RIPK4: variants seen among roughly 807,000 people sequenced by gnomAD.
The protein encoded by RIPK4 is receptor interacting serine/threonine kinase 4.
Under a neutral mutation model 42.9 loss-of-function variants are expected in RIPK4, and 17 were observed. The ratio of observed to expected loss-of-function variants is 0.40; its 90% CI spans 0.27 to 0.59. The LOEUF is 0.59. Among genes scored for constraint, RIPK4 ranks in the 20% least tolerant of loss-of-function variants. The probability of loss-of-function intolerance (pLI) is 0.47; values close to 1 mark genes in which losing one functional copy is unlikely to be tolerated. For missense variants in RIPK4, 897 were observed against 1,104.4 expected (o/e 0.81, Z 2.66); for synonymous variants, 498 against 499.1 (o/e 1.00, Z 0.03).
chr21:41,751,740 G>A lies in RIPK4; in HGVS notation c.475-495C>T, dbSNP rs1471545469. ...GCAAGTGGCTGCAAGTCCTTTAAAG[G>A]GAAACACAGAAACACACCTTCAGAA... On this transcript the variant is annotated intron_variant, in intron 2 of 7. Transcript: ENST00000332512. The surrounding 1 kb of genome is among the most constrained non-coding windows in gnomAD (Gnocchi z 4.5). Among the ~76,000 whole-genome samples the A allele has an allele frequency of 6.6e-6, 1 of 152,156 alleles. No individual in the cohort carries two copies. The highest frequency in any genetic ancestry group is 1.5e-5 in the Non-Finnish European group (1 of 68,036).
intron 1 of RIPK4, among the ~76,000 whole-genome samples, chr21:41,758,611 T>G (rs544093794): frequency 6.6e-6 from 1 of 152,374 alleles, no homozygotes; most frequent in South Asian, 2.1e-4. Context: ...TGTCACATTT[T>G]GAGAAACTGC....
chr21:41,758,530 C>T lies in RIPK4; in HGVS notation c.183-1714G>A, dbSNP rs1321482977. Among the ~76,000 whole-genome samples the T allele has an allele frequency of 3.9e-5, 6 of 152,198 alleles. No individual in the cohort carries two copies. The East Asian group carries it at 9.6e-4, about 24-fold the overall frequency. On this transcript the variant is annotated intron_variant, in intron 1 of 7. Coordinates refer to ENST00000332512, the MANE Select transcript of RIPK4 (RefSeq NM_020639.3). ...ACATCTGCACACATTGGGGGACAAACGCCTGGAGTCGTGGCTTTCAATTCT... is the reference window on the plus strand; with the variant it reads ...ACATCTGCACACATTGGGGGACAAATGCCTGGAGTCGTGGCTTTCAATTCT...
intron 2 of RIPK4, among the ~76,000 whole-genome samples, chr21:41,754,311 A>G (rs1301306954): frequency 6.6e-6 from 1 of 152,182 alleles, no homozygotes; most frequent in African/African-American, 2.4e-5. Flanking sequence ...CACAGAAAAA[A>G]TAAGTATGTC....
intron 6 of RIPK4, 105 bp from the exon 7 acceptor site, chr21:41,744,245 G>A: frequency 8.7e-7 from 1 of 1,148,916 alleles, no homozygotes; most frequent in Non-Finnish European, 1.2e-6. Context: ...GGAGGGAGAT[G>A]GGGGAGGAAA....
rs966010779 is a variant in RIPK4, at chr21:41,755,638, C to T, written c.474+887G>A. 2.6e-5 allele frequency among the ~76,000 whole-genome samples: 4 copies of T among 152,184 alleles called. No homozygotes were observed. The highest frequency in any genetic ancestry group is 6.5e-5 in the Admixed American group (1 of 15,282). ...GTCCCCTGCATGAACTACATGGATC[C>T]GGACCATGGCTCTCGGCTCCTTCTC... is the stretch of plus-strand genomic sequence containing the variant. On this transcript the variant is annotated intron_variant, in intron 2 of 7. Transcript: ENST00000332512. This position sits in a 1 kb window ranked among gnomAD's most constrained non-coding sequence, Gnocchi z 4.2.
intron 2 of RIPK4, among the ~76,000 whole-genome samples, chr21:41,752,564 C>T (rs1160683733): frequency 2.0e-5 from 3 of 152,218 alleles, no homozygotes; most frequent in East Asian, 1.9e-4. Flanking sequence ...AGGCCTGCAC[C>T]GCCCTTGAGA....
Position 41,752,619 on chromosome 21 carries a change from C to T in RIPK4, c.475-1374G>A, listed in dbSNP as rs59737543. 1.9e-3 allele frequency among the ~76,000 whole-genome samples: 295 copies of T among 152,334 alleles called. 5 individuals carry two copies. In the East Asian group the frequency reaches 0.039, roughly 20 times the overall value. ...GGAAAGCGCCAGCTCCCCAGAGGAACGCCATCACCCGACCCTGCAAACCCC... is the reference window on the plus strand; with the variant it reads ...GGAAAGCGCCAGCTCCCCAGAGGAATGCCATCACCCGACCCTGCAAACCCC... On this transcript the variant is annotated intron_variant, in intron 2 of 7. Coordinates refer to ENST00000332512, the MANE Select transcript of RIPK4 (RefSeq NM_020639.3).
In RIPK4 at chr21:41,741,094, C is replaced by A; in HGVS notation, c.2099G>T (p.Gly700Val). ...GTGCAGCGCCGTCTGGTTCAGGGGTCCCCGGGCCAGCACATCGGCCTTCTC... is the reference window on the plus strand; with the variant it reads ...GTGCAGCGCCGTCTGGTTCAGGGGTACCCGGGCCAGCACATCGGCCTTCTC... ...VEEKADVLAR[G>V]PLNQTALHLA... Residue 700 changes from glycine to valine, a missense_variant, in exon 8 of 8, where the codon GGA (glycine) becomes GTA (valine). Gly to Val is a moderately radical substitution (Grantham distance 109, BLOSUM62 -3). Coordinates refer to ENST00000332512, the MANE Select transcript of RIPK4 (RefSeq NM_020639.3). 6.2e-7 allele frequency: 1 copy of A among 1,612,008 alleles called. No individual in the cohort carries two copies. Among genetic ancestry groups the A allele is most frequent in the African/African-American group, 1.3e-5 (1 of 74,982 alleles).
At chr21:41,753,960 C>T (rs945151684) in intron 2 of RIPK4, among the ~76,000 whole-genome samples, 1 of 152,090 alleles carries the variant, frequency 6.6e-6, no homozygotes, top group Non-Finnish European at 1.5e-5. Flanking sequence ...TGAATAATAT[C>T]AAGCATTAAT....
At position 41,749,147 on chromosome 21, in the gene RIPK4, C is replaced by A. The variant is rs780034790; in HGVS notation, c.673+7G>T. 3.1e-5 allele frequency: 50 copies of A among 1,613,430 alleles called. No individual in the cohort carries two copies. The highest frequency in any genetic ancestry group is 3.8e-5 in the Non-Finnish European group (45 of 1,179,694). ...GCACATTACACCTCAAAGACAGGTC[C>A]ACTCACCTGCAAACGGCTTCTTCTG... On this transcript the variant is annotated splice_region_variant and intron_variant, in intron 4 of 7. Coordinates refer to ENST00000332512, the MANE Select transcript of RIPK4 (RefSeq NM_020639.3).
In RIPK4 at chr21:41,740,168, T is replaced by TA. The variant is rs2061148052; in HGVS notation, c.*669dup. The TA allele has an allele frequency of 6.6e-6, 1 of 152,138 alleles. No homozygotes were observed. Among genetic ancestry groups the TA allele is most frequent in the South Asian group, 2.1e-4 (1 of 4,818 alleles). The allele number at this position is 152,138 out of a possible 1,614,324, so 9.4% of individuals were successfully genotyped here. ...TGTCCACAAGGACTCACCCAAGTAATAGACTGGAATGGTTAAGAGCTGGCC... is the reference window on the plus strand; with the variant it reads ...TGTCCACAAGGACTCACCCAAGTAATAAGACTGGAATGGTTAAGAGCTGGCC... On this transcript the variant is annotated 3_prime_UTR_variant, in exon 8 of 8. Coordinates refer to ENST00000332512, the MANE Select transcript of RIPK4 (RefSeq NM_020639.3).
At chr21:41,758,959 C>T (rs946270367) in intron 1 of RIPK4, among the ~76,000 whole-genome samples, 12 of 152,174 alleles carry the variant, frequency 7.9e-5, no homozygotes, top group Admixed American at 3.9e-4. Context: ...CACGGACGCA[C>T]GCTGGCCATG....
intron 1 of RIPK4, among the ~76,000 whole-genome samples, chr21:41,760,341 C>T (rs149493708): frequency 2.0e-3 from 301 of 152,282 alleles, no homozygotes; most frequent in African/African-American, 6.6e-3. Context: ...ATGGTGTTTA[C>T]GTGTACCCTC....
At position 41,741,161 on chromosome 21, in the gene RIPK4, C is replaced by T. The variant is rs374389446; in HGVS notation, c.2032G>A (p.Ala678Thr). The change falls in exon 8 of 8, where the codon GCC (alanine) becomes ACC (threonine). Residue 678 changes from alanine (A) to threonine (T), a missense_variant. Physicochemically the swap from Ala to Thr is moderately conservative, Grantham distance 58 (BLOSUM62 0). Coordinates refer to ENST00000332512, the MANE Select transcript of RIPK4 (RefSeq NM_020639.3). ...SDGYTALHLAARNGHLATVKL... is the reference protein window; with the variant it reads ...SDGYTALHLATRNGHLATVKL... ...ACAGTGGCCAGGTGTCCGTTGCGGG[C>T]AGCCAGGTGCAGAGCGGTGTAGCCG... is the stretch of plus-strand genomic sequence containing the variant. 2.9e-5 allele frequency: 47 copies of T among 1,612,636 alleles called. No homozygotes were observed. The highest frequency in any genetic ancestry group is 3.8e-5 in the Non-Finnish European group (45 of 1,179,744).
rs1030742264 is a variant in RIPK4 at position 41,766,864 on chromosome 21, C to T, written c.178G>A (p.Asp60Asn). ...CGCCCCGCCCGGGCCGCTCACCTGT[C>T]GTCGACGTGCAGGCTGGGCGAGCAC... ...IKCSPSLHVDDRERMELLEEA... is the reference protein window; with the variant it reads ...IKCSPSLHVDNRERMELLEEA... The change falls in exon 1 of 8, where the codon GAC (aspartate) becomes AAC (asparagine). Residue 60 changes from aspartate (D) to asparagine (N), a missense_variant. Transcript: ENST00000332512. 6.2e-7 allele frequency: 1 copy of T among 1,608,152 alleles called. No individual in the cohort carries two copies. The highest frequency in any genetic ancestry group is 1.3e-5 in the African/African-American group (1 of 74,252).
chr21:41,758,875 T>G (rs1243963335), intron 1 of RIPK4, among the ~76,000 whole-genome samples: 1 of 152,160 alleles, frequency 6.6e-6, no homozygotes, highest in East Asian at 1.9e-4. Context: ...CAGACTAGAA[T>G]CCCAGTGCAA....
Position 41,744,027 on chromosome 21 carries a change from G to A in RIPK4, c.1050C>T (p.Pro350=), listed in dbSNP as rs759732328. 2.2e-5 allele frequency: 35 copies of A among 1,613,048 alleles called. No individual in the cohort carries two copies. Among genetic ancestry groups the A allele is most frequent in the Non-Finnish European group, 2.6e-5 (31 of 1,179,982 alleles). ...DSGVSQAVEG[P]EELSRSSSES... is the part of the protein sequence containing the mutation. ...CAGAGGAGCTGCGGCTGAGCTCCTC[G>A]GGGCCCTCGACAGCCTGGGAAACTC... The change falls in exon 7 of 8, where the codon CCC becomes CCT. Residue 350 remains proline (P), a synonymous_variant. Coordinates refer to ENST00000332512, the MANE Select transcript of RIPK4 (RefSeq NM_020639.3).
At position 41,742,048 on chromosome 21, in the gene RIPK4, C is replaced by T. The variant is rs776135878; in HGVS notation, c.1196-51G>A. ...CAGAGCGTGGCTGCACATCCAGGGA[C>T]GTGGCGTCTCTGGGAGCCTGGCTGT... is the stretch of plus-strand genomic sequence containing the variant. On this transcript the variant is annotated intron_variant, in intron 7 of 7. Coordinates refer to ENST00000332512, the MANE Select transcript of RIPK4 (RefSeq NM_020639.3). The surrounding 1 kb of genome is among the most constrained non-coding windows in gnomAD (Gnocchi z 5.1). 5.9e-5 allele frequency: 88 copies of T among 1,488,062 alleles called. No homozygotes were observed. Among genetic ancestry groups the T allele is most frequent in the Non-Finnish European group, 7.1e-5 (79 of 1,105,726 alleles). 92.2% of individuals were successfully genotyped at this position (1,488,062 alleles called of 1,614,324 possible). A position where few individuals can be genotyped will look rare whatever the true frequency, so the allele number is the denominator to read the frequency against.
intron 7 of RIPK4, 152 bp downstream of exon 7, chr21:41,743,730 A>G (rs1250110357): frequency 1.9e-6 from 2 of 1,049,036 alleles, no homozygotes; most frequent in Non-Finnish European, 2.7e-6. Flanking sequence ...CCCAACACAC[A>G]AAATTAATTA....
Sources: allele counts gnomAD v4.1 joint callset (sites outside exome capture counted in the v4.1 genomes callset), GRCh38; gene constraint gnomAD v4.1.1; non-coding constraint Gnocchi (gnomAD v3.1); transcripts MANE v1.5; gene names NCBI Gene and HGNC (gene_info 2026-07-23, HGNC 2026-07-21).